The following CCS variants were observed in gnomAD, a reference collection of about 807,000 sequenced individuals.
CCS encodes copper chaperone for superoxide dismutase, also known as superoxide dismutase copper chaperone.
A neutral mutation model predicts 35.5 loss-of-function variants in CCS; 32 were observed. The observed-to-expected ratio is 0.90, with a 90% CI of 0.68 to 1.21. The LOEUF (loss-of-function observed/expected upper bound fraction) is 1.21, where lower values mean the gene tolerates loss of function less well. Ranked by LOEUF, CCS falls within the 50% of genes most tolerant of loss-of-function variation. CCS has a pLI of 0.00. For synonymous variants in CCS, 130 were observed against 147.2 expected (o/e 0.88, Z 0.84); for missense variants, 342 against 375.4 (o/e 0.91, Z 0.73).
At position 66,593,300 on chromosome 11, in the gene CCS, G is replaced by A. The variant is rs772323037; in HGVS notation, c.39G>A (p.Thr13=). ...SDSGNQGTLC[T]LEFAVQMTCQ... ...CGGGGAACCAGGGGACCCTCTGCAC[G>A]GTGAGGGTCGAGGCTTCGTGTGGAG... Residue 13 remains threonine (T), a splice_region_variant and synonymous_variant, in exon 1 of 8, where the codon ACG becomes ACA. Coordinates refer to ENST00000533244, the MANE Select transcript of CCS (RefSeq NM_005125.2). 4 of 1,543,168 alleles carry A rather than the reference G, an allele frequency of 2.6e-6. No individual in the cohort carries two copies. In the Admixed American group the frequency reaches 6.3e-5, roughly 24 times the overall value.
Position 66,605,360 on chromosome 11 carries a change from G to C in CCS, c.511G>C (p.Val171Leu), listed in dbSNP as rs775188180. The C allele has an allele frequency of 6.2e-7, 1 of 1,614,186 alleles. No homozygotes were observed. Among genetic ancestry groups the C allele is most frequent in the Non-Finnish European group, 8.5e-7 (1 of 1,180,036 alleles). Reference sequence around the variant, plus strand: ...CCAGCACCGCGGAGACCTGGGCAATGTCCGTGCTGATGCTGACGGCCGCGC... The same window carrying C: ...CCAGCACCGCGGAGACCTGGGCAATCTCCGTGCTGATGCTGACGGCCGCGC... ...SDRHRGDLGN[V>L]RADADGRAIF... The change falls in exon 6 of 8, where the codon GTC becomes CTC. Residue 171 changes from valine to leucine, a missense_variant. Physicochemically the swap from Val to Leu is conservative, Grantham distance 32 (BLOSUM62 1). Transcript: ENST00000533244.
chr11:66,605,590 GAGGT>G lies in CCS; in HGVS notation c.670_671+2del. 6.2e-7 allele frequency: 1 copy of G among 1,613,218 alleles called. No homozygotes were observed. ...CCAAGATCACAGGGAACTCCGGGGA[GAGGT>G]GAGTGGTGTCGGCCCCTGTAGGAGG... On this transcript the variant is annotated splice_donor_variant and coding_sequence_variant, in exon 7 of 8. Coordinates refer to ENST00000533244, the MANE Select transcript of CCS (RefSeq NM_005125.2). LOFTEE classifies it high-confidence loss of function.
At chr11:66,605,039 C>A in intron 5 of CCS, 1 of 1,121,530 alleles carries the variant, frequency 8.9e-7, no homozygotes, top group Non-Finnish European at 1.2e-6. Context: ...ACTGCACAGG[C>A]AGGGGAAACT....
Position 66,603,548 on chromosome 11 carries a change from T to A in CCS, c.490-1791T>A, listed in dbSNP as rs1858602120. Among the ~76,000 whole-genome samples, 5 of 149,108 alleles carry A rather than the reference T, an allele frequency of 3.4e-5. No homozygotes were observed. In the South Asian group the frequency reaches 1.1e-3, roughly 32 times the overall value. On this transcript the variant is annotated intron_variant, in intron 5 of 7. Coordinates refer to ENST00000533244, the MANE Select transcript of CCS (RefSeq NM_005125.2). ...CAACATGGTGAAACCCTGTCTCTAT[T>A]AAAAATACAAAAGTTGGGCCGGGCA...
chr11:66,595,093 T>C (rs1394182396), intron 2 of CCS, among the ~76,000 whole-genome samples: 1 of 152,236 alleles, frequency 6.6e-6, no homozygotes, highest in Non-Finnish European at 1.5e-5. Context: ...TCATGCATGT[T>C]ACTTTTTGTG....
chr11:66,603,285 G>A (rs753804169), intron 5 of CCS, among the ~76,000 whole-genome samples: 50 of 152,350 alleles, frequency 3.3e-4, no homozygotes, highest in South Asian at 1.9e-3. Flanking sequence ...CCTTGAGGCC[G>A]CTCCTCCAGC....
Position 66,605,713 on chromosome 11 carries a change from G to C in CCS, c.683G>C (p.Gly228Ala), listed in dbSNP as rs138370847. The C allele has an allele frequency of 1.0e-4, 162 of 1,583,668 alleles. No homozygotes were observed. Among genetic ancestry groups the C allele is most frequent in the South Asian group, 6.9e-4 (60 of 87,448 alleles). The change falls in exon 8 of 8, where the codon GGC (glycine) becomes GCC (alanine). Residue 228 changes from glycine (G) to alanine (A), a missense_variant. Coordinates refer to ENST00000533244, the MANE Select transcript of CCS (RefSeq NM_005125.2). Reference sequence around the variant, plus strand: ...ACATTCTTCTGCAGGTTGGCCTGTGGCATCATTGCACGCTCCGCTGGCCTT... The same window carrying C: ...ACATTCTTCTGCAGGTTGGCCTGTGCCATCATTGCACGCTCCGCTGGCCTT... ...TGNSGERLAC[G>A]IIARSAGLFQ...
At chr11:66,603,920 G>C (rs1392941399) in intron 5 of CCS, among the ~76,000 whole-genome samples, 1 of 151,688 alleles carries the variant, frequency 6.6e-6, no homozygotes, top group Non-Finnish European at 1.5e-5. Context: ...ACAGCTACTC[G>C]GGAAGCTGAG....
intron 5 of CCS, among the ~76,000 whole-genome samples, chr11:66,603,482 G>A (rs1465368157): frequency 2.6e-5 from 4 of 151,876 alleles, no homozygotes; most frequent in East Asian, 1.9e-4. Flanking sequence ...AGGCTGAGGC[G>A]GATGGGTCAC....
chr11:66,602,183 A>T (rs1056161213), intron 5 of CCS, among the ~76,000 whole-genome samples: 1 of 152,224 alleles, frequency 6.6e-6, no homozygotes, highest in Non-Finnish European at 1.5e-5. Context: ...CAAAGTTAGG[A>T]GTTTAAAACA....
At chr11:66,601,285 G>A (rs1373307872) in intron 5 of CCS, among the ~76,000 whole-genome samples, 1 of 152,062 alleles carries the variant, frequency 6.6e-6, no homozygotes, top group African/African-American at 2.4e-5. Context: ...TAGAGATGGG[G>A]TTTCACCAGG....
intron 3 of CCS, 32 bp downstream of exon 3, chr11:66,599,285 G>A (rs559278991): frequency 3.7e-5 from 58 of 1,557,306 alleles, no homozygotes; most frequent in Middle Eastern, 1.8e-4. Context: ...GGCCCCTCTC[G>A]GAGGGAGGTG....
intron 2 of CCS, among the ~76,000 whole-genome samples, chr11:66,595,975 A>G (rs1464146037): frequency 6.6e-6 from 1 of 152,236 alleles, no homozygotes; most frequent in African/African-American, 2.4e-5. Context: ...TTAGGCCTCC[A>G]CACTGCTCCA....
rs757424594 is a variant in CCS at position 66,593,765 on chromosome 11, G to C, written c.112+51G>C. 7 of 1,544,140 alleles carry C rather than the reference G, an allele frequency of 4.5e-6. No individual in the cohort carries two copies. The African/African-American group carries it at 8.2e-5, about 18-fold the overall frequency. ...AGACAGTCCAGAAGCCTCTGGGAGG[G>C]ACCAGGCGAATCTATTAGGCGAACC... On this transcript the variant is annotated intron_variant, in intron 2 of 7. Transcript: ENST00000533244.
At chr11:66,600,188 T>C in intron 4 of CCS, 1 of 279,852 alleles carries the variant, frequency 3.6e-6, no homozygotes, top group Non-Finnish European at 6.6e-6. Context: ...CCTTACTGCC[T>C]CTGAGATGGA....
At chr11:66,603,702 C>T (rs1858606009) in intron 5 of CCS, among the ~76,000 whole-genome samples, 1 of 152,180 alleles carries the variant, frequency 6.6e-6, no homozygotes, top group Non-Finnish European at 1.5e-5. Context: ...AAAAATTAGC[C>T]AGGCGTGGTG....
At chr11:66,601,560 C>T (rs1858571646) in intron 5 of CCS, among the ~76,000 whole-genome samples, 2 of 151,484 alleles carry the variant, frequency 1.3e-5, no homozygotes, top group South Asian at 2.1e-4. Flanking sequence ...TCCTTTCTCC[C>T]CTCCCCTCCC....
chr11:66,602,228 G>A (rs1858582867), intron 5 of CCS, among the ~76,000 whole-genome samples: 1 of 152,214 alleles, frequency 6.6e-6, no homozygotes, highest in South Asian at 2.1e-4. Context: ...AGGAATTTGT[G>A]TGTGACTTAG....
At chr11:66,595,864 G>A (rs1858468311) in intron 2 of CCS, among the ~76,000 whole-genome samples, 1 of 152,188 alleles carries the variant, frequency 6.6e-6, no homozygotes, top group Admixed American at 6.5e-5. Flanking sequence ...CACTTCAGGA[G>A]CAGAGAATCA....
Sources: gnomAD v4.1 joint callset for allele counts (sites outside exome capture counted in the v4.1 genomes callset) on GRCh38, gnomAD v4.1.1 for gene constraint, MANE v1.5 for transcripts, NCBI Gene and HGNC (gene_info 2026-07-23, HGNC 2026-07-21) for gene names.